Variants in GTPBP10 observed in about 807,000 individuals in gnomAD.
GTPBP10 encodes the protein GTP binding protein 10.
A neutral mutation model predicts 44.8 loss-of-function variants in GTPBP10; 38 were observed. The observed-to-expected ratio is 0.85, with a 90% CI of 0.65 to 1.11. The LOEUF is 1.11. GTPBP10 is among the 50% of genes most tolerant of loss of function. The probability of loss-of-function intolerance (pLI) is 0.00; values close to 1 mark genes in which losing one functional copy is unlikely to be tolerated. For synonymous variants in GTPBP10, 152 were observed against 150.6 expected (o/e 1.01, Z -0.07); for missense variants, 462 against 453.7 (o/e 1.02, Z -0.17).
intron 8 of GTPBP10, among the ~76,000 whole-genome samples, chr7:90,380,447 C>A (rs1421619524): frequency 6.6e-6 from 1 of 152,074 alleles, no homozygotes; most frequent in Admixed American, 6.5e-5. Flanking sequence ...TGTCTTTTCA[C>A]TTTTTCAGTG....
At chr7:90,358,255 A>G (rs1022980224) in intron 4 of GTPBP10, among the ~76,000 whole-genome samples, 1 of 152,226 alleles carries the variant, frequency 6.6e-6, no homozygotes, top group Non-Finnish European at 1.5e-5. Context: ...AAGGAGAACT[A>G]CAGAACACTG....
At chr7:90,374,932 G>T (rs908973462) in intron 6 of GTPBP10, among the ~76,000 whole-genome samples, 1 of 152,164 alleles carries the variant, frequency 6.6e-6, no homozygotes, top group African/African-American at 2.4e-5. Flanking sequence ...TCTGCACATG[G>T]ATGCTTATAG....
At chr7:90,348,951 C>CA (rs1428115512) in intron 1 of GTPBP10, among the ~76,000 whole-genome samples, 1 of 152,182 alleles carries the variant, frequency 6.6e-6, no homozygotes. Context: ...AAGCACTCAT[C>CA]AAGCTGTCTT....
chr7:90,384,200 A>C (rs1796483138), intron 9 of GTPBP10, among the ~76,000 whole-genome samples: 1 of 152,144 alleles, frequency 6.6e-6, no homozygotes, highest in African/African-American at 2.4e-5. Context: ...GGGGCTTTTG[A>C]ATCTCAGAAA....
At chr7:90,368,088 T>C (rs1322688684) in intron 4 of GTPBP10, among the ~76,000 whole-genome samples, 4 of 152,126 alleles carry the variant, frequency 2.6e-5, no homozygotes, top group Non-Finnish European at 5.9e-5. Flanking sequence ...TTCTTTTCTT[T>C]AGGAATGTTG....
intron 4 of GTPBP10, among the ~76,000 whole-genome samples, chr7:90,357,228 A>AT (rs1295149452): frequency 5.3e-5 from 8 of 152,176 alleles, no homozygotes; most frequent in Admixed American, 4.6e-4. Flanking sequence ...TTATTCAGTC[A>AT]TTAGCATCAT....
chr7:90,367,712 A>G (rs563609295), intron 4 of GTPBP10, among the ~76,000 whole-genome samples: 38 of 152,202 alleles, frequency 2.5e-4, no homozygotes, highest in African/African-American at 8.7e-4. Flanking sequence ...ACAGTACACC[A>G]ATGGGTCTTG....
At chr7:90,356,264 A>G (rs1303333654) in intron 4 of GTPBP10, among the ~76,000 whole-genome samples, 2 of 152,190 alleles carry the variant, frequency 1.3e-5, no homozygotes, top group East Asian at 3.8e-4. Context: ...CTAAAATTAT[A>G]ACAAGGAAAG....
rs369949824 is a variant in GTPBP10, at chr7:90,368,303, A to G, written c.465-3852A>G. On this transcript the variant is annotated intron_variant, in intron 4 of 9. Coordinates refer to ENST00000222511, the MANE Select transcript of GTPBP10 (RefSeq NM_033107.4). Reference sequence around the variant, plus strand: ...GGAGTATCTTTGTGGTGTTCTCCGTATTTCCTGAATTTGAATGTTGGCCGT... The same window carrying G: ...GGAGTATCTTTGTGGTGTTCTCCGTGTTTCCTGAATTTGAATGTTGGCCGT... Among the ~76,000 whole-genome samples, 156 of 152,106 alleles carry G rather than the reference A, an allele frequency of 1.0e-3. No individual in the cohort carries two copies. The Middle Eastern group carries it at 0.017, about 17-fold the overall frequency.
At chr7:90,383,366 T>G (rs1562961724) in intron 9 of GTPBP10, among the ~76,000 whole-genome samples, 1 of 152,168 alleles carries the variant, frequency 6.6e-6, no homozygotes, top group Non-Finnish European at 1.5e-5. Context: ...TATGTGGGAT[T>G]TGAATAAAAG....
chr7:90,377,984 G>T, intron 7 of GTPBP10, 150 bp from the exon 8 acceptor site: 3 of 1,083,248 alleles, frequency 2.8e-6, no homozygotes, highest in Non-Finnish European at 3.8e-6. Context: ...TTAACACCTC[G>T]ATTTCTGTTA....
intron 4 of GTPBP10, among the ~76,000 whole-genome samples, chr7:90,361,001 T>C (rs543334642): frequency 2.9e-4 from 44 of 152,242 alleles, no homozygotes; most frequent in Non-Finnish European, 5.1e-4. Context: ...CCTGAGACTT[T>C]GCTGAAGTTG....
rs1322328905 is a variant in GTPBP10 at position 90,346,808 on chromosome 7, G to T, written c.33+34G>T. ...GGGTCCCCTCAGCCTGGTCCCCTTA[G>T]CGCTGACAGCTCTGGTTCTTCTTTG... On this transcript the variant is annotated intron_variant, in intron 1 of 9. Transcript: ENST00000222511. The T allele has an allele frequency of 3.7e-6, 6 of 1,604,578 alleles. No individual in the cohort carries two copies. In the South Asian group the frequency reaches 4.4e-5, roughly 12 times the overall value.
At position 90,391,195 on chromosome 7, in the gene GTPBP10, C is replaced by T. The variant is rs2115818638; in HGVS notation, c.*6041C>T. The T allele has an allele frequency of 6.6e-6, 1 of 152,228 alleles. No individual in the cohort carries two copies. The highest frequency in any genetic ancestry group is 2.1e-4 in the South Asian group (1 of 4,820). The allele number at this position is 152,228 out of a possible 1,614,324, so 9.4% of individuals were successfully genotyped here. ...ATAAAAATATGAAGCAGAAAACTCC[C>T]CCATGATTTCCTCATGTTGCTTAGA... On this transcript the variant is annotated 3_prime_UTR_variant, in exon 10 of 10. Transcript: ENST00000222511.
At chr7:90,379,118 C>G (rs1045393748) in intron 8 of GTPBP10, among the ~76,000 whole-genome samples, 1 of 152,166 alleles carries the variant, frequency 6.6e-6, no homozygotes, top group South Asian at 2.1e-4. Context: ...TCGGCCATCC[C>G]CATAACTTAG....
rs182722963 is a variant in GTPBP10 at position 90,382,865 on chromosome 7, G to A, written c.778-91G>A. The A allele has an allele frequency of 9.2e-5, 76 of 826,976 alleles. No homozygotes were observed. In the Middle Eastern group the frequency reaches 1.7e-3, roughly 19 times the overall value. The allele number at this position is 826,976 out of a possible 1,614,324, so 51.2% of individuals were successfully genotyped here. ...TATTGCATTTCGGTGATGTGAATGG[G>A]TTTTAGATCACCTGGGTCATTAATT... On this transcript the variant is annotated intron_variant, in intron 8 of 9. Transcript: ENST00000222511.
chr7:90,376,497 C>T (rs1410421482), intron 6 of GTPBP10, among the ~76,000 whole-genome samples: 1 of 152,096 alleles, frequency 6.6e-6, no homozygotes. Flanking sequence ...GAAGCATGCT[C>T]AGGTGAATGA....
chr7:90,348,185 T>A (rs2115578015), intron 1 of GTPBP10, among the ~76,000 whole-genome samples: 1 of 152,230 alleles, frequency 6.6e-6, no homozygotes, highest in South Asian at 2.1e-4. Flanking sequence ...GCCACGGCAC[T>A]CGAGCCCAGG....
chr7:90,377,876 G>A (rs1379003447), intron 7 of GTPBP10: 1 of 331,360 alleles, frequency 3.0e-6, no homozygotes, highest in Non-Finnish European at 4.3e-6. Flanking sequence ...CACTGATGAT[G>A]CTAGAGTTAT....
Sources: gnomAD v4.1 joint callset for allele counts (sites outside exome capture counted in the v4.1 genomes callset) on GRCh38, gnomAD v4.1.1 for gene constraint, MANE v1.5 for transcripts, NCBI Gene and HGNC (gene_info 2026-07-23, HGNC 2026-07-21) for gene names.